EPB41: variants seen among roughly 807,000 people sequenced by gnomAD.
The protein encoded by EPB41 is protein 4.1.
Under a neutral mutation model 108.0 loss-of-function variants are expected in EPB41, and 65 were observed. The observed-to-expected ratio is 0.60, with a 90% CI of 0.49 to 0.74. The LOEUF (loss-of-function observed/expected upper bound fraction) is 0.74. EPB41 is among the 30% of genes least tolerant of loss of function. The probability of loss-of-function intolerance (pLI) is 0.00; values close to 1 mark genes in which losing one functional copy is unlikely to be tolerated. For missense variants in EPB41, 875 were observed against 1,037.0 expected, an observed-to-expected ratio of 0.84 and a Z score of 2.15; for synonymous variants, 336 against 358.9, an observed-to-expected ratio of 0.94 and a Z score of 0.72.
chr1:28,918,536 T>C (rs1293679651), intron 1 of EPB41, among the ~76,000 whole-genome samples: 1 of 152,252 alleles, frequency 6.6e-6, no homozygotes, highest in African/African-American at 2.4e-5. Flanking sequence ...TTTGTTTTTT[T>C]CCTCTAAATA....
intron 15 of EPB41, among the ~76,000 whole-genome samples, chr1:29,064,194 T>G (rs1020436160): frequency 6.6e-6 from 1 of 152,202 alleles, no homozygotes; most frequent in Non-Finnish European, 1.5e-5. Context: ...TGAAGGTTAT[T>G]GCAAGAAGTC....
At chr1:28,914,524 C>CGCGGGCCGGCGGGCGGGCT (rs1382553077), upstream of EPB41, 2 of 152,152 alleles carry the variant, frequency 1.3e-5, no homozygotes, top group Non-Finnish European at 2.9e-5. Context: ...GGGGGAGGGG[C>CGCGGGCCGGCGGGCGGGCT]GCGGGCCGGC....
At chr1:28,903,326 CTTT>C (rs1288999444) in intron 1 of EPB41, among the ~76,000 whole-genome samples, 13 of 137,022 alleles carry the variant, frequency 9.5e-5, no homozygotes, top group Admixed American at 1.5e-4. Context: ...TCTTTTCTTT[CTTT>C]TTTTTTTTTT....
intron 1 of EPB41, among the ~76,000 whole-genome samples, chr1:28,923,106 C>CTTTTTTTTTTTTTTTTTTTTT (rs1246726906): frequency 8.7e-6 from 1 of 114,712 alleles, no homozygotes. Flanking sequence ...CCTTTCTTTT[C>CTTTTTTTTTTTTTTTTTTTTT]TTTTCTTTTT....
At chr1:28,907,289 A>G (rs2091913336) in intron 1 of EPB41, among the ~76,000 whole-genome samples, 1 of 148,766 alleles carries the variant, frequency 6.7e-6, no homozygotes, top group Non-Finnish European at 1.5e-5. Flanking sequence ...CTGGTCTCGA[A>G]CTCCCTACCT....
chr1:29,009,027 G>C (rs2096457406), intron 4 of EPB41, among the ~76,000 whole-genome samples: 1 of 152,092 alleles, frequency 6.6e-6, no homozygotes, highest in African/African-American at 2.4e-5. Context: ...CATAGCACTA[G>C]CACATATTTT....
rs1182166272 is a variant in EPB41, at chr1:29,018,309, T to C, written c.991T>C (p.Tyr331His). 1.9e-6 allele frequency: 3 copies of C among 1,614,084 alleles called. No individual in the cohort carries two copies. Among genetic ancestry groups the C allele is most frequent in the Non-Finnish European group, 2.5e-6 (3 of 1,180,034 alleles). The change falls in exon 7 of 21, where the codon TAC becomes CAC. Residue 331 changes from tyrosine to histidine, a missense_variant. Coordinates refer to ENST00000343067, the MANE Select transcript of EPB41 (RefSeq NM_001376013.1). This position sits in a 1 kb window ranked among gnomAD's most constrained non-coding sequence, Gnocchi z 4.4. ...SFATLALLGS[Y>H]TIQSELGDYD... The stretch of plus-strand genomic sequence containing the variant: ...TGCAACCTTAGCATTATTAGGTTCT[T>C]ACACCATCCAGTCTGAACTGGGAGA...
At chr1:29,078,948 T>C (rs1336624597) in intron 16 of EPB41, among the ~76,000 whole-genome samples, 1 of 152,124 alleles carries the variant, frequency 6.6e-6, no homozygotes, top group Non-Finnish European at 1.5e-5. Flanking sequence ...ACCTTTTCTT[T>C]AGCCAAGTTT....
At position 28,941,400 on chromosome 1, in the gene EPB41, TG is replaced by T. The variant is rs200374745; in HGVS notation, c.-8+26636del. ...GTCTCAAAAAATAAAAAACCAATAA[TG>T]GGGAAAAATGAGGTATAAGTCCAAC... On this transcript the variant is annotated intron_variant, in intron 1 of 20. Coordinates refer to ENST00000343067, the MANE Select transcript of EPB41 (RefSeq NM_001376013.1). 8.5e-3 allele frequency among the ~76,000 whole-genome samples: 1,287 copies of T among 151,598 alleles called. 11 individuals carry two copies. The highest frequency in any genetic ancestry group is 0.079 in the Middle Eastern group (23 of 292).
chr1:29,096,684 G>C (rs776913334), intron 16 of EPB41: 21 of 803,362 alleles, frequency 2.6e-5, no homozygotes, highest in Admixed American at 6.2e-5. Context: ...GGAGGTGGTG[G>C]TGGTATGGTG....
intron 1 of EPB41, chr1:28,890,811 G>A: frequency 1.5e-6 from 1 of 658,048 alleles, no homozygotes; most frequent in Middle Eastern, 7.9e-4. Flanking sequence ...GCTGGGATTT[G>A]AACTTAGGTT....
chr1:29,117,113 AGCCTCTCT>A lies in EPB41; in HGVS notation c.*305_*312del, dbSNP rs1671150006. On this transcript the variant is annotated 3_prime_UTR_variant, in exon 21 of 21. Transcript: ENST00000343067. ...GGGTGGTTTGTAACCCCTTCAGCCT[AGCCTCTCT>A]GCCCATTTATTTCCAACCCCAACAG... is the stretch of plus-strand genomic sequence containing the variant. The A allele has an allele frequency of 6.6e-6, 1 of 152,108 alleles. No individual in the cohort carries two copies. The highest frequency in any genetic ancestry group is 2.4e-5 in the African/African-American group (1 of 41,406). The allele number at this position is 152,108 out of a possible 1,614,324, so 9.4% of individuals were successfully genotyped here.
In EPB41 at chr1:28,887,496, T is replaced by C. The variant is rs1282912305; in HGVS notation, c.-8+286T>C. Reference sequence around the variant, plus strand: ...AGACACGTCCGGGTCCGGCCGGTCCTGGCTGTCTGGGGCGGGGGTCCTGCA... The same window carrying C: ...AGACACGTCCGGGTCCGGCCGGTCCCGGCTGTCTGGGGCGGGGGTCCTGCA... On this transcript the variant is annotated intron_variant, in intron 1 of 16. Coordinates refer to the EPB41 transcript ENST00000347529. The surrounding 1 kb of genome is among the most constrained non-coding windows in gnomAD (Gnocchi z 4.9). 1 of 985,032 alleles carries C rather than the reference T, an allele frequency of 1.0e-6. No individual in the cohort carries two copies. The highest frequency in any genetic ancestry group is 1.2e-6 in the Non-Finnish European group (1 of 829,820). The allele number at this position is 985,032 out of a possible 1,614,324, so 61.0% of individuals were successfully genotyped here. A position where few individuals can be genotyped will look rare whatever the true frequency, so the allele number is the denominator to read the frequency against.
chr1:29,079,862 T>C (rs1655698784), intron 16 of EPB41, among the ~76,000 whole-genome samples: 1 of 151,802 alleles, frequency 6.6e-6, no homozygotes, highest in South Asian at 2.1e-4. Flanking sequence ...CCAGGCATGA[T>C]TGCGCGGGCC....
chr1:28,950,586 A>G (rs2094678687), intron 1 of EPB41, among the ~76,000 whole-genome samples: 1 of 152,254 alleles, frequency 6.6e-6, no homozygotes, highest in Non-Finnish European at 1.5e-5. Context: ...TGAAGGGAGC[A>G]GGAGAAAGGC....
At chr1:28,995,348 G>A (rs2096142268) in intron 3 of EPB41, among the ~76,000 whole-genome samples, 1 of 152,124 alleles carries the variant, frequency 6.6e-6, no homozygotes, top group Admixed American at 6.5e-5. Flanking sequence ...TGGATCACGA[G>A]GTCAAGAAAT....
chr1:29,074,374 T>C (rs981202205), intron 16 of EPB41, among the ~76,000 whole-genome samples: 1 of 152,208 alleles, frequency 6.6e-6, no homozygotes, highest in African/African-American at 2.4e-5. Context: ...ACACCGTTTG[T>C]AATATTGGTA....
At chr1:29,061,204 A>G (rs956473080) in intron 15 of EPB41, among the ~76,000 whole-genome samples, 1 of 152,176 alleles carries the variant, frequency 6.6e-6, no homozygotes, top group African/African-American at 2.4e-5. Context: ...GCTGTCTGCT[A>G]TAGGAGTTGT....
chr1:29,028,302 CTTCAAA>C (rs1455449827), intron 7 of EPB41, among the ~76,000 whole-genome samples: 2 of 152,122 alleles, frequency 1.3e-5, no homozygotes, highest in Non-Finnish European at 2.9e-5. Flanking sequence ...TAAAATTTGT[CTTCAAA>C]TTCAAGTGAT....
Sources: allele counts gnomAD v4.1 joint callset (sites outside exome capture counted in the v4.1 genomes callset), GRCh38; gene constraint gnomAD v4.1.1; non-coding constraint Gnocchi (gnomAD v3.1); transcripts MANE v1.5; gene names NCBI Gene and HGNC (gene_info 2026-07-23, HGNC 2026-07-21).